HIPK2: variants seen among roughly 807,000 people sequenced by gnomAD.
The protein encoded by HIPK2 is homeodomain-interacting protein kinase 2.
Under a neutral mutation model 113.7 loss-of-function variants are expected in HIPK2, and 27 were observed. The ratio of observed to expected loss-of-function variants is 0.24; its 90% CI spans 0.17 to 0.33. The LOEUF (loss-of-function observed/expected upper bound fraction) is 0.33, where lower values mean the gene tolerates loss of function less well. Ranked by LOEUF, HIPK2 falls within the 10% of genes least tolerant of loss-of-function variation. The probability of loss-of-function intolerance (pLI) is 1.00; values close to 1 mark genes in which losing one functional copy is unlikely to be tolerated. For synonymous variants in HIPK2, 631 were observed against 642.2 expected, an observed-to-expected ratio of 0.98 and a Z score of 0.26; for missense variants, 1,257 against 1,588.0, an observed-to-expected ratio of 0.79 and a Z score of 3.54.
rs1798193178 is a variant in HIPK2 at position 139,569,390 on chromosome 7, A to G, written c.*3537T>C. 6.6e-6 allele frequency: 1 copy of G among 152,318 alleles called. No individual in the cohort carries two copies. The highest frequency in any genetic ancestry group is 2.4e-5 in the African/African-American group (1 of 41,454). The allele number at this position is 152,318 out of a possible 1,614,324, so 9.4% of individuals were successfully genotyped here. ...AAAAGGATGGATTGTGGGGAAGCGG[A>G]TGGGGTCACCTCTGGGAGGGAATTT... On this transcript the variant is annotated 3_prime_UTR_variant, in exon 15 of 15. Coordinates refer to ENST00000406875, the MANE Select transcript of HIPK2 (RefSeq NM_022740.5).
intron 12 of HIPK2, among the ~76,000 whole-genome samples, chr7:139,594,971 C>T (rs566356622): frequency 1.5e-4 from 23 of 152,276 alleles, no homozygotes; most frequent in African/African-American, 4.3e-4. Flanking sequence ...CGCAGAGGCA[C>T]GGACATGCTC....
intron 11 of HIPK2, among the ~76,000 whole-genome samples, chr7:139,599,790 C>T (rs1001412628): frequency 1.3e-5 from 2 of 152,162 alleles, no homozygotes; most frequent in Non-Finnish European, 2.9e-5. Context: ...GTTCTCCAGA[C>T]AAGTAGAAAG....
Position 139,581,564 on chromosome 7 carries a change from A to C in HIPK2, c.2965+2253T>G, listed in dbSNP as rs552318158. On this transcript the variant is annotated intron_variant, in intron 13 of 14. Coordinates refer to ENST00000406875, the MANE Select transcript of HIPK2 (RefSeq NM_022740.5). ...ACAGGAGGGGGTGAGTATGGCGGGG[A>C]AACAGCAGTGCATATCCTGGCCTAA... Among the ~76,000 whole-genome samples, 865 of 152,278 alleles carry C rather than the reference A, an allele frequency of 5.7e-3. 6 individuals carry two copies. Among genetic ancestry groups the C allele is most frequent in the Non-Finnish European group, 9.3e-3 (631 of 67,976 alleles).
intron 9 of HIPK2, among the ~76,000 whole-genome samples, chr7:139,611,899 G>A (rs542919973): frequency 1.3e-5 from 2 of 152,226 alleles, no homozygotes; most frequent in South Asian, 2.1e-4. Flanking sequence ...TGACTTACAC[G>A]TTTAAAGATG....
intron 2 of HIPK2, among the ~76,000 whole-genome samples, chr7:139,674,228 G>A (rs1274786140): frequency 6.6e-6 from 1 of 152,184 alleles, no homozygotes; most frequent in Non-Finnish European, 1.5e-5. Flanking sequence ...CTCATTTGGT[G>A]CTCAGAGCTG....
At chr7:139,766,928 C>A (rs1253203192) in intron 1 of HIPK2, among the ~76,000 whole-genome samples, 1 of 152,176 alleles carries the variant, frequency 6.6e-6, no homozygotes, top group African/African-American at 2.4e-5. Flanking sequence ...GTGGCTCCTG[C>A]ACTTTGTGAC....
rs1798254619 is a variant in HIPK2 at position 139,571,023 on chromosome 7, A to AT, written c.*1903dup. 6.6e-6 allele frequency: 1 copy of AT among 152,230 alleles called. No homozygotes were observed. Among genetic ancestry groups the AT allele is most frequent in the East Asian group, 1.9e-4 (1 of 5,200 alleles). The allele number at this position is 152,230 out of a possible 1,614,324, so 9.4% of individuals were successfully genotyped here. On this transcript the variant is annotated 3_prime_UTR_variant, in exon 15 of 15. Coordinates refer to ENST00000406875, the MANE Select transcript of HIPK2 (RefSeq NM_022740.5). The stretch of plus-strand genomic sequence containing the variant: ...AAGGTGCAAAGAGGGCAAAGGGCAG[A>AT]TTTCTTTGGAAATTCAACTGTGTGA...
At chr7:139,676,572 G>T (rs186736635) in intron 2 of HIPK2, among the ~76,000 whole-genome samples, 7 of 152,290 alleles carry the variant, frequency 4.6e-5, no homozygotes, top group African/African-American at 1.2e-4. Context: ...TGAGCACTAA[G>T]ATCTAGTAGG....
At position 139,568,959 on chromosome 7, in the gene HIPK2, AC is replaced by A. The variant is rs1272233480; in HGVS notation, c.*3967del. 6.6e-6 allele frequency: 1 copy of A among 152,176 alleles called. No individual in the cohort carries two copies. The highest frequency in any genetic ancestry group is 2.4e-5 in the African/African-American group (1 of 41,322). 9.4% of individuals were successfully genotyped at this position (152,176 alleles called of 1,614,324 possible). ...TCCCTTCGGTGAAGCTGGCTATTTC[AC>A]CCCTTTCTTCAACTGGGGCCTAGCA... On this transcript the variant is annotated 3_prime_UTR_variant, in exon 15 of 15. Transcript: ENST00000406875.
At chr7:139,732,581 G>C (rs1795822706) in intron 1 of HIPK2, among the ~76,000 whole-genome samples, 1 of 151,986 alleles carries the variant, frequency 6.6e-6, no homozygotes, top group African/African-American at 2.4e-5. Context: ...TTTTCAGATT[G>C]TTTCTGCATT....
At chr7:139,626,960 A>T (rs915381238) in intron 5 of HIPK2, 175 bp from the exon 6 acceptor site, 1 of 226,472 alleles carries the variant, frequency 4.4e-6, no homozygotes, top group Non-Finnish European at 7.3e-6. Context: ...TGCCCACAGG[A>T]TGTGGCTTTT....
Position 139,568,945 on chromosome 7 carries a change from A to T in HIPK2, c.*3982T>A, listed in dbSNP as rs538575463. On this transcript the variant is annotated 3_prime_UTR_variant, in exon 15 of 15. Coordinates refer to ENST00000406875, the MANE Select transcript of HIPK2 (RefSeq NM_022740.5). ...TACTTCCCTTCCCTTCCCTTCGGTG[A>T]AGCTGGCTATTTCACCCCTTTCTTC... is the stretch of plus-strand genomic sequence containing the variant. 2.6e-5 allele frequency: 4 copies of T among 152,540 alleles called. No homozygotes were observed. Among genetic ancestry groups the T allele is most frequent in the Non-Finnish European group, 5.9e-5 (4 of 68,362 alleles). 9.4% of individuals were successfully genotyped at this position (152,540 alleles called of 1,614,324 possible). A position where few individuals can be genotyped will look rare whatever the true frequency, so the allele number is the denominator to read the frequency against.
intron 1 of HIPK2, among the ~76,000 whole-genome samples, chr7:139,755,008 C>T (rs1796341466): frequency 6.6e-6 from 1 of 152,108 alleles, no homozygotes; most frequent in Admixed American, 6.5e-5. Context: ...TCTTTCTGTT[C>T]GGATACTGAC....
chr7:139,659,596 C>T (rs1569467112), intron 2 of HIPK2, among the ~76,000 whole-genome samples: 7 of 152,216 alleles, frequency 4.6e-5, no homozygotes. Context: ...CTGTTGCTAT[C>T]CTATAGTCTC....
chr7:139,671,029 G>C (rs988916448), intron 2 of HIPK2, among the ~76,000 whole-genome samples: 2 of 151,800 alleles, frequency 1.3e-5, no homozygotes, highest in South Asian at 4.1e-4. Flanking sequence ...CCCAAGTGCT[G>C]GGATTACAGG....
At chr7:139,661,306 C>T (rs886800525) in intron 2 of HIPK2, among the ~76,000 whole-genome samples, 4 of 152,208 alleles carry the variant, frequency 2.6e-5, no homozygotes, top group African/African-American at 4.8e-5. Flanking sequence ...GACAGCTGTA[C>T]ACCAAACCTG....
chr7:139,773,555 C>T (rs992579031), intron 1 of HIPK2, among the ~76,000 whole-genome samples: 2 of 152,204 alleles, frequency 1.3e-5, no homozygotes, highest in Non-Finnish European at 2.9e-5. Context: ...TCTTGATCAT[C>T]ACTACTTTGC....
In HIPK2 at chr7:139,565,413, A is replaced by C. The variant is rs552497379; in HGVS notation, c.*7514T>G. On this transcript the variant is annotated 3_prime_UTR_variant, in exon 15 of 15. Transcript: ENST00000406875. ...TTTTAAATGAAAAAAGGAACAAGAA[A>C]CCCACTCAAAACAACTGAACAAATA... The C allele has an allele frequency of 6.6e-6, 1 of 152,284 alleles. No homozygotes were observed. Among genetic ancestry groups the C allele is most frequent in the African/African-American group, 2.4e-5 (1 of 41,560 alleles). The allele number at this position is 152,284 out of a possible 1,614,324, so 9.4% of individuals were successfully genotyped here. A position where few individuals can be genotyped will look rare whatever the true frequency, so the allele number is the denominator to read the frequency against.
chr7:139,673,098 G>T (rs1322317923), intron 2 of HIPK2, among the ~76,000 whole-genome samples: 2 of 114,408 alleles, frequency 1.7e-5, no homozygotes. Context: ...GCAGTGGTTA[G>T]AACTTTTTTT....
Sources: gnomAD v4.1 joint callset for allele counts (sites outside exome capture counted in the v4.1 genomes callset) on GRCh38, gnomAD v4.1.1 for gene constraint, MANE v1.5 for transcripts, NCBI Gene and HGNC (gene_info 2026-07-23, HGNC 2026-07-21) for gene names.